LRP1B: variants seen among roughly 807,000 people sequenced by gnomAD.
LRP1B encodes low-density lipoprotein receptor-related protein 1B.
LRP1B carries 217 observed loss-of-function variants against 556.6 expected under a neutral mutation model. The ratio of observed to expected loss-of-function variants is 0.39; its 90% CI spans 0.35 to 0.44. The LOEUF (loss-of-function observed/expected upper bound fraction) is 0.44, where lower values mean the gene tolerates loss of function less well. LRP1B is among the 20% of genes least tolerant of loss of function. The pLI is 1.00. For synonymous variants in LRP1B, 2,047 were observed against 1,865.8 expected (o/e 1.10, Z -2.50); for missense variants, 5,053 against 5,620.8 (o/e 0.90, Z 3.23).
intron 41 of LRP1B, among the ~76,000 whole-genome samples, chr2:140,691,543 TA>T (rs1239071834): frequency 4.6e-5 from 7 of 150,944 alleles, no homozygotes; most frequent in African/African-American, 1.7e-4. Flanking sequence ...AAAAGCAATC[TA>T]AAAATATTAT....
At chr2:141,555,513 G>T (rs1054868361) in intron 2 of LRP1B, among the ~76,000 whole-genome samples, 1 of 151,834 alleles carries the variant, frequency 6.6e-6, no homozygotes, top group Non-Finnish European at 1.5e-5. Context: ...TCAATCTCTG[G>T]TTAAATAAAT....
intron 12 of LRP1B, among the ~76,000 whole-genome samples, chr2:141,016,239 G>A (rs1474457064): frequency 6.6e-6 from 1 of 152,072 alleles, no homozygotes; most frequent in Non-Finnish European, 1.5e-5. Context: ...TAAAGGAAAT[G>A]ATTTTCTGGG....
chr2:141,544,016 A>G (rs1436934939), intron 2 of LRP1B, among the ~76,000 whole-genome samples: 1 of 152,126 alleles, frequency 6.6e-6, no homozygotes, highest in East Asian at 1.9e-4. Flanking sequence ...TTTGGAGTTG[A>G]TAACATTTTT....
intron 2 of LRP1B, among the ~76,000 whole-genome samples, chr2:141,601,202 GTATCTATC>G (rs4008441): frequency 0.21 from 31,003 of 148,842 alleles, 3,706 homozygotes; most frequent in East Asian, 0.38. Context: ...CTGTCTGTCA[GTATCTATC>G]TATCTATCTA....
Position 141,013,644 on chromosome 2 carries a change from T to A in LRP1B, c.2292A>T (p.Leu764=), listed in dbSNP as rs2105385598. The A allele has an allele frequency of 1.2e-6, 2 of 1,612,488 alleles. No homozygotes were observed. The highest frequency in any genetic ancestry group is 2.7e-5 in the African/African-American group (2 of 74,948). ...ATGTCACCTCACTTGTTATCAAATC[T>A]AGTTGAAAAATGGAACCATTCATAT... ...TDYMNGSIFQ[L]DLITSEVTLL... is the part of the protein sequence containing the mutation. Residue 764 remains leucine, a synonymous_variant, in exon 14 of 91, where the codon CTA becomes CTT. Transcript: ENST00000389484.
intron 1 of LRP1B, among the ~76,000 whole-genome samples, chr2:141,962,880 C>T (rs1344280479): frequency 6.6e-6 from 1 of 151,766 alleles, no homozygotes; most frequent in African/African-American, 2.4e-5. Flanking sequence ...TTTTCCTTCA[C>T]AATTTAGTAA....
chr2:142,063,831 C>T (rs1047860405), intron 1 of LRP1B, among the ~76,000 whole-genome samples: 9 of 151,488 alleles, frequency 5.9e-5, no homozygotes, highest in African/African-American at 2.2e-4. Context: ...AAAGTAAAGA[C>T]ATTTGGAATA....
At chr2:141,486,421 T>C (rs1683124572) in intron 2 of LRP1B, among the ~76,000 whole-genome samples, 1 of 152,112 alleles carries the variant, frequency 6.6e-6, no homozygotes, top group Admixed American at 6.6e-5. Flanking sequence ...TAATAGGGGA[T>C]AATAAAGGAC....
At chr2:140,293,611 A>G (rs1480275037) in intron 84 of LRP1B, among the ~76,000 whole-genome samples, 1 of 152,014 alleles carries the variant, frequency 6.6e-6, no homozygotes, top group Admixed American at 6.6e-5. Flanking sequence ...CTTCTTTTAT[A>G]GAGAGAAGAT....
intron 43 of LRP1B, among the ~76,000 whole-genome samples, chr2:140,588,760 T>C (rs984739789): frequency 9.9e-5 from 15 of 151,886 alleles, no homozygotes; most frequent in Admixed American, 5.2e-4. Context: ...GGTCAGGAGA[T>C]CAGCCTGGCT....
chr2:141,354,274 C>G (rs1187359110), intron 3 of LRP1B, among the ~76,000 whole-genome samples: 2 of 151,970 alleles, frequency 1.3e-5, no homozygotes, highest in Non-Finnish European at 2.9e-5. Flanking sequence ...GTCCAGGAGA[C>G]CTTCAGAGAT....
chr2:141,587,842 G>A (rs1687197387), intron 2 of LRP1B, among the ~76,000 whole-genome samples: 1 of 152,068 alleles, frequency 6.6e-6, no homozygotes. Context: ...AACAATACAA[G>A]TAATGCACTA....
intron 6 of LRP1B, among the ~76,000 whole-genome samples, chr2:141,197,716 A>G (rs1681815076): frequency 6.6e-6 from 1 of 152,100 alleles, no homozygotes; most frequent in African/African-American, 2.4e-5. Context: ...TCCAGGAGGG[A>G]AATATGGTAA....
chr2:141,380,883 C>T (rs1278940353), intron 3 of LRP1B, among the ~76,000 whole-genome samples: 1 of 152,068 alleles, frequency 6.6e-6, no homozygotes, highest in Non-Finnish European at 1.5e-5. Context: ...TTAGGATAAG[C>T]TCAAAGGTGG....
intron 3 of LRP1B, among the ~76,000 whole-genome samples, chr2:141,368,692 A>G (rs1689128490): frequency 6.6e-6 from 1 of 152,176 alleles, no homozygotes; most frequent in African/African-American, 2.4e-5. Context: ...ATGCTTTATC[A>G]CAGTTGTGAT....
intron 7 of LRP1B, among the ~76,000 whole-genome samples, chr2:141,138,497 T>C (rs1286880508): frequency 2.0e-5 from 3 of 151,616 alleles, no homozygotes; most frequent in Admixed American, 2.0e-4. Flanking sequence ...TGATTGTCTA[T>C]ATAGAAAATT....
At chr2:140,574,867 A>C (rs1412286200) in intron 43 of LRP1B, among the ~76,000 whole-genome samples, 1 of 152,200 alleles carries the variant, frequency 6.6e-6, no homozygotes, top group Non-Finnish European at 1.5e-5. Context: ...CAATGAATTC[A>C]TTTTTAGGTG....
At chr2:141,888,800 G>A (rs1441846401) in intron 1 of LRP1B, among the ~76,000 whole-genome samples, 1 of 152,060 alleles carries the variant, frequency 6.6e-6, no homozygotes, top group African/African-American at 2.4e-5. Flanking sequence ...GGACAGGAGT[G>A]AAAAATGAGG....
chr2:141,022,757 T>G (rs2105401206), intron 11 of LRP1B, among the ~76,000 whole-genome samples: 1 of 152,070 alleles, frequency 6.6e-6, no homozygotes, highest in African/African-American at 2.4e-5. Context: ...CACATGATAT[T>G]AAAATGCAAG....
Sources: allele counts gnomAD v4.1 joint callset (sites outside exome capture counted in the v4.1 genomes callset), GRCh38; gene constraint gnomAD v4.1.1; transcripts MANE v1.5; gene names NCBI Gene and HGNC (gene_info 2026-07-23, HGNC 2026-07-21).